The following CDKN2D variants were observed in gnomAD, a reference collection of about 807,000 sequenced individuals.
CDKN2D encodes cyclin dependent kinase inhibitor 2D.
CDKN2D carries 3 observed loss-of-function variants against 4.7 expected under a neutral mutation model. The ratio of observed to expected loss-of-function variants is 0.64; its 90% CI spans 0.29 to 1.66. The LOEUF (loss-of-function observed/expected upper bound fraction) is 1.66, where lower values mean the gene tolerates loss of function less well. CDKN2D is among the 40% of genes most tolerant of loss of function. The pLI, the probability that CDKN2D is intolerant of heterozygous loss-of-function variation, is 0.10. For synonymous variants in CDKN2D, 91 were observed against 102.3 expected (o/e 0.89, Z 0.67); for missense variants, 196 against 230.9 (o/e 0.85, Z 0.98).
chr19:10,567,499 A>C, intron 1 of CDKN2D, 82 bp from the exon 2 acceptor site: 1 of 1,457,154 alleles, frequency 6.9e-7, no homozygotes, highest in Non-Finnish European at 9.2e-7. Flanking sequence ...AGGGTCATCC[A>C]GAAAGAGGCA....
intron 1 of CDKN2D, among the ~76,000 whole-genome samples, chr19:10,567,711 C>T (rs924712600): frequency 1.8e-4 from 26 of 144,584 alleles, no homozygotes; most frequent in South Asian, 6.5e-4. Context: ...GGACCAAAGA[C>T]GCCCCCAGAT....
In CDKN2D at chr19:10,566,668, G is replaced by A. The variant is rs1916903826; in HGVS notation, c.*390C>T. On this transcript the variant is annotated 3_prime_UTR_variant, in exon 2 of 2. Transcript: ENST00000393599. ...GCTCCCCCCACCCCCCATGCCTGAAGCAACGTGCACACTTCAGGTCTCTGA... is the reference window on the plus strand; with the variant it reads ...GCTCCCCCCACCCCCCATGCCTGAAACAACGTGCACACTTCAGGTCTCTGA... 1.1e-5 allele frequency: 3 copies of A among 266,334 alleles called. No homozygotes were observed. Among genetic ancestry groups the A allele is most frequent in the South Asian group, 9.5e-5 (1 of 10,534 alleles). The allele number at this position is 266,334 out of a possible 1,614,324, so 16.5% of individuals were successfully genotyped here. A position where few individuals can be genotyped will look rare whatever the true frequency, so the allele number is the denominator to read the frequency against.
chr19:10,567,361 G>A lies in CDKN2D; in HGVS notation c.198C>T (p.Ser66=), dbSNP rs1190994462. 6.2e-7 allele frequency: 1 copy of A among 1,614,022 alleles called. No individual in the cohort carries two copies. The highest frequency in any genetic ancestry group is 1.3e-5 in the African/African-American group (1 of 74,912). ...IALELLKQGA[S]PNVQDTSGTS... is the part of the protein sequence containing the mutation. The stretch of plus-strand genomic sequence containing the variant: ...TACCGGAGGTGTCCTGGACATTGGG[G>A]CTGGCACCTTGCTTCAGCAGCTCCA... Residue 66 remains serine, a synonymous_variant, in exon 2 of 2, where the codon AGC becomes AGT. Coordinates refer to ENST00000393599, the MANE Select transcript of CDKN2D (RefSeq NM_001800.4).
At chr19:10,567,537 AGGGGT>A in intron 1 of CDKN2D, 120 bp from the exon 2 acceptor site, 1 of 1,198,940 alleles carries the variant, frequency 8.3e-7, no homozygotes, top group Non-Finnish European at 1.2e-6. Context: ...ATGCTAGAGG[AGGGGT>A]CCTCTAGTGA....
intron 1 of CDKN2D, among the ~76,000 whole-genome samples, chr19:10,568,136 ACCTCTCCTTCCAGAGATCGGATCTCC>A (rs1916953139): frequency 6.6e-6 from 1 of 151,808 alleles, no homozygotes; most frequent in African/African-American, 2.4e-5. Flanking sequence ...TAGAGACAGG[ACCTCTCCTTCCAGAGATCGGATCTCC>A]CCATAGAAGC....
At chr19:10,568,447 G>A (rs1916961393) in intron 1 of CDKN2D, 66 bp downstream of exon 1, 1 of 1,273,574 alleles carries the variant, frequency 7.9e-7, no homozygotes. Flanking sequence ...CCAGAGAGGA[G>A]CTCTGGGGTC....
At position 10,567,342 on chromosome 19, in the gene CDKN2D, A is replaced by G; in HGVS notation, c.217T>C (p.Ser73Pro). Reference sequence around the variant, plus strand: ...GCGTCATGGACTGGACTGGTACCGGAGGTGTCCTGGACATTGGGGCTGGCA... The same window carrying G: ...GCGTCATGGACTGGACTGGTACCGGGGGTGTCCTGGACATTGGGGCTGGCA... ...QGASPNVQDT[S>P]GTSPVHDAAR... The change falls in exon 2 of 2, where the codon TCC becomes CCC. Residue 73 changes from serine (S) to proline (P), a missense_variant. Physicochemically the swap from Ser to Pro is moderately conservative, Grantham distance 74 (BLOSUM62 -1). Transcript: ENST00000393599. 1.1e-5 allele frequency: 18 copies of G among 1,614,116 alleles called. No individual in the cohort carries two copies. The highest frequency in any genetic ancestry group is 1.5e-5 in the Non-Finnish European group (18 of 1,180,012).
Position 10,568,885 on chromosome 19 carries a change from G to A in CDKN2D, c.-232C>T, listed in dbSNP as rs1916980157. On this transcript the variant is annotated 5_prime_UTR_variant, in exon 1 of 2. Transcript: ENST00000393599. Reference sequence around the variant, plus strand: ...GGGCTGGGAGCCGGGCCCAACCCTCGGCCGCCCGCGGGGCCCTGCCCGGCG... The same window carrying A: ...GGGCTGGGAGCCGGGCCCAACCCTCAGCCGCCCGCGGGGCCCTGCCCGGCG... 7.8e-6 allele frequency: 2 copies of A among 257,736 alleles called. No homozygotes were observed. Among genetic ancestry groups the A allele is most frequent in the Non-Finnish European group, 1.5e-5 (2 of 136,474 alleles). The allele number at this position is 257,736 out of a possible 1,614,324, so 16.0% of individuals were successfully genotyped here. A position where few individuals can be genotyped will look rare whatever the true frequency, so the allele number is the denominator to read the frequency against.
Position 10,566,880 on chromosome 19 carries a change from C to G in CDKN2D, c.*178G>C. The G allele has an allele frequency of 1.6e-6, 1 of 628,212 alleles. No homozygotes were observed. Among genetic ancestry groups the G allele is most frequent in the Non-Finnish European group, 2.7e-6 (1 of 365,436 alleles). 38.9% of individuals were successfully genotyped at this position (628,212 alleles called of 1,614,324 possible). On this transcript the variant is annotated 3_prime_UTR_variant, in exon 2 of 2. Coordinates refer to ENST00000393599, the MANE Select transcript of CDKN2D (RefSeq NM_001800.4). Reference sequence around the variant, plus strand: ...AACACACCAAAAGGAGTGAGAAAAACAAATGAGAAACGTCCCCCAAACACT... The same window carrying G: ...AACACACCAAAAGGAGTGAGAAAAAGAAATGAGAAACGTCCCCCAAACACT...
At chr19:10,567,513 C>CCTGTTTCTGGGAGATG in intron 1 of CDKN2D, 96 bp from the exon 2 acceptor site, 1 of 1,397,340 alleles carries the variant, frequency 7.2e-7, no homozygotes, top group Non-Finnish European at 9.7e-7. Flanking sequence ...AGAGGCATCT[C>CCTGTTTCTGGGAGATG]CCAGAAACAG....
chr19:10,566,945 C>T lies in CDKN2D; in HGVS notation c.*113G>A. ...CAACACCTATAAGCCACAAACTGTG[C>T]TCCTCCCCTACTGCAGCAGTGGGCA... is the stretch of plus-strand genomic sequence containing the variant. On this transcript the variant is annotated 3_prime_UTR_variant, in exon 2 of 2. Coordinates refer to ENST00000393599, the MANE Select transcript of CDKN2D (RefSeq NM_001800.4). The T allele has an allele frequency of 8.7e-7, 1 of 1,146,028 alleles. No individual in the cohort carries two copies. The highest frequency in any genetic ancestry group is 1.2e-6 in the Non-Finnish European group (1 of 812,528). The allele number at this position is 1,146,028 out of a possible 1,614,324, so 71.0% of individuals were successfully genotyped here. A position where few individuals can be genotyped will look rare whatever the true frequency, so the allele number is the denominator to read the frequency against.
chr19:10,567,608 C>A (rs552379614), intron 1 of CDKN2D, among the ~76,000 whole-genome samples, 191 bp from the exon 2 acceptor site: 4 of 121,606 alleles, frequency 3.3e-5, no homozygotes, highest in Non-Finnish European at 6.7e-5. Flanking sequence ...GGACCCCCCC[C>A]AAAAGCTGGT....
chr19:10,568,513 C>CT lies in CDKN2D; in HGVS notation c.140dup (p.Val48GlyfsTer33). ...CCAACCTGGACCGGCCCGGCCTCAC[C>CT]TGCAGCGCCGTCTTGCCGAAGCGGT... On this transcript the variant is annotated frameshift_variant and splice_region_variant, in exon 1 of 2. Transcript: ENST00000393599. LOFTEE classifies it low-confidence loss of function (END_TRUNC). The CT allele has an allele frequency of 7.0e-7, 1 of 1,429,000 alleles. No individual in the cohort carries two copies. Among genetic ancestry groups the CT allele is most frequent in the Admixed American group, 2.5e-5 (1 of 40,128 alleles). The allele number at this position is 1,429,000 out of a possible 1,614,324, so 88.5% of individuals were successfully genotyped here.
intron 1 of CDKN2D, 145 bp downstream of exon 1, chr19:10,568,368 T>A (rs968733514): frequency 1.4e-6 from 1 of 721,624 alleles, no homozygotes; most frequent in Non-Finnish European, 1.9e-6. Flanking sequence ...GAAGGGGGAC[T>A]GTGGGGGAAC....
In CDKN2D at chr19:10,567,240, C is replaced by T. The variant is rs764491064; in HGVS notation, c.319G>A (p.Gly107Arg). ...GADVNVPDGTGALPIHLAVQE... is the reference protein window; with the variant it reads ...GADVNVPDGTRALPIHLAVQE... The stretch of plus-strand genomic sequence containing the variant: ...ACTGCCAGATGGATTGGAAGTGCCC[C>T]GGTGCCATCAGGCACGTTGACATCA... The change falls in exon 2 of 2, where the codon GGG becomes AGG. Residue 107 changes from glycine (G) to arginine (R), a missense_variant. Physicochemically the swap from Gly to Arg is moderately radical, Grantham distance 125. Coordinates refer to ENST00000393599, the MANE Select transcript of CDKN2D (RefSeq NM_001800.4). The T allele has an allele frequency of 3.0e-5, 49 of 1,614,032 alleles. 1 individual carries two copies. In the South Asian group the frequency reaches 4.9e-4, roughly 16 times the overall value.
chr19:10,568,370 T>G (rs975682629), intron 1 of CDKN2D, 143 bp downstream of exon 1: 8 of 739,792 alleles, frequency 1.1e-5, no homozygotes, highest in Middle Eastern at 3.3e-4. Context: ...AGGGGGACTG[T>G]GGGGGAACAA....
chr19:10,567,456 G>C (rs1242455003), intron 1 of CDKN2D, 39 bp from the exon 2 acceptor site: 1 of 1,574,474 alleles, frequency 6.4e-7, no homozygotes, highest in South Asian at 1.2e-5. Flanking sequence ...CCTCAAGGGA[G>C]GAGGTTCCAC....
At position 10,566,611 on chromosome 19, in the gene CDKN2D, T is replaced by C. The variant is rs142212397; in HGVS notation, c.*447A>G. 129 of 255,884 alleles carry C rather than the reference T, an allele frequency of 5.0e-4. No individual in the cohort carries two copies. Among genetic ancestry groups the C allele is most frequent in the Non-Finnish European group, 8.9e-4 (116 of 130,238 alleles). The allele number at this position is 255,884 out of a possible 1,614,324, so 15.9% of individuals were successfully genotyped here. A position where few individuals can be genotyped will look rare whatever the true frequency, so the allele number is the denominator to read the frequency against. On this transcript the variant is annotated 3_prime_UTR_variant, in exon 2 of 2. Coordinates refer to ENST00000393599, the MANE Select transcript of CDKN2D (RefSeq NM_001800.4). ...CTTCCAACAGAATATGAATAACTCA[T>C]AACTCATTCTACCTTCTTATTGATT...
At position 10,568,498 on chromosome 19, in the gene CDKN2D, C is replaced by G; in HGVS notation, c.141+15G>C. ...CTTAGCCGCCCCGCCCCAACCTGGA[C>G]CGGCCCGGCCTCACCTGCAGCGCCG... On this transcript the variant is annotated intron_variant, in intron 1 of 1. Coordinates refer to ENST00000393599, the MANE Select transcript of CDKN2D (RefSeq NM_001800.4). 7.3e-7 allele frequency: 1 copy of G among 1,371,714 alleles called. No individual in the cohort carries two copies. The highest frequency in any genetic ancestry group is 9.5e-7 in the Non-Finnish European group (1 of 1,057,048). 85.0% of individuals were successfully genotyped at this position (1,371,714 alleles called of 1,614,324 possible).
Sources: gnomAD v4.1 joint callset for allele counts (sites outside exome capture counted in the v4.1 genomes callset) on GRCh38, gnomAD v4.1.1 for gene constraint, MANE v1.5 for transcripts, NCBI Gene and HGNC (gene_info 2026-07-23, HGNC 2026-07-21) for gene names.